The following POU2F2 variants were observed in gnomAD, a reference collection of about 807,000 sequenced individuals.
POU2F2 encodes the protein POU domain, class 2, transcription factor 2.
A neutral mutation model predicts 63.5 loss-of-function variants in POU2F2; 14 were observed. That is an observed-to-expected ratio of 0.22 (90% CI 0.15 to 0.34). The LOEUF (loss-of-function observed/expected upper bound fraction) is 0.34, where lower values mean the gene tolerates loss of function less well. Among genes scored for constraint, POU2F2 ranks in the 10% least tolerant of loss-of-function variants. POU2F2 has a pLI of 1.00. For synonymous variants in POU2F2, 306 were observed against 348.6 expected (o/e 0.88, Z 1.36); for missense variants, 607 against 815.2 (o/e 0.74, Z 3.11).
intron 1 of POU2F2, among the ~76,000 whole-genome samples, chr19:42,186,772 G>A (rs1315584868): frequency 6.6e-6 from 1 of 152,186 alleles, no homozygotes; most frequent in African/African-American, 2.4e-5. Context: ...AGGGCTTTAT[G>A]TTTGGATATG....
At chr19:42,197,896 C>A (rs1376918139), upstream of POU2F2, among the ~76,000 whole-genome samples, 1 of 152,098 alleles carries the variant, frequency 6.6e-6, no homozygotes, top group Non-Finnish European at 1.5e-5. Flanking sequence ...CTGGGAGTGG[C>A]CGGGTGCAGC....
rs145435724 is a variant in POU2F2 at position 42,186,942 on chromosome 19, A to G, written c.-70+9441T>C. On this transcript the variant is annotated intron_variant, in intron 1 of 5. Coordinates refer to the POU2F2 transcript ENST00000532176. ...TGAACCTCTTATATCTGAGGTGCCT[A>G]TGAGACATGTCCTGGATCCAGCAAA... 7.2e-5 allele frequency among the ~76,000 whole-genome samples: 11 copies of G among 152,280 alleles called. No homozygotes were observed. The East Asian group carries it at 2.1e-3, about 29-fold the overall frequency.
chr19:42,132,320 C>A, intron 1 of POU2F2, 64 bp downstream of exon 1: 1 of 1,549,970 alleles, frequency 6.5e-7, no homozygotes, highest in Non-Finnish European at 8.8e-7. Context: ...AGGCAGGGCC[C>A]GCAGAGCAAA....
intron 2 of POU2F2, among the ~76,000 whole-genome samples, chr19:42,138,994 G>T (rs542198970): frequency 6.6e-6 from 1 of 152,262 alleles, no homozygotes; most frequent in East Asian, 1.9e-4. Flanking sequence ...AAGAAAAGAA[G>T]CACTGTGATG....
At chr19:42,131,831 A>C (rs75971885) in intron 1 of POU2F2, among the ~76,000 whole-genome samples, 8 of 152,186 alleles carry the variant, frequency 5.3e-5, no homozygotes, top group African/African-American at 1.9e-4. Context: ...ATCTGAGGTG[A>C]ATGAAGTGAA....
Position 42,091,550 on chromosome 19 carries a change from C to T in POU2F2, c.1582G>A (p.Gly528Ser), listed in dbSNP as rs202057376. 103 of 1,551,184 alleles carry T rather than the reference C, an allele frequency of 6.6e-5. 1 individual carries two copies. The highest frequency in any genetic ancestry group is 6.3e-5 in the Non-Finnish European group (72 of 1,146,478). ...GGTLPLTSLD[G>S]SGNLVLGAAG... ...GCCCCCAGCACCAGATTCCCGCTGC[C>T]ATCAAGGCTGGTAAGGGGCAGGGTT... The change falls in exon 15 of 15, where the codon GGC becomes AGC. Residue 528 changes from glycine to serine, a missense_variant. By Grantham distance (56) the Gly-to-Ser change is moderately conservative. This residue lies in a region of POU2F2 where 270 missense variants were observed against 307.5 expected (regional missense o/e 0.88). Coordinates refer to ENST00000692977, the MANE Select transcript of POU2F2 (RefSeq NM_001394376.1).
chr19:42,146,601 G>A (rs74629692), intron 2 of POU2F2, among the ~76,000 whole-genome samples: 14,562 of 152,038 alleles, frequency 0.096, 901 homozygotes, highest in Middle Eastern at 0.2. Flanking sequence ...AAATCTACTC[G>A]CTCCCTACAC....
Position 42,141,772 on chromosome 19 carries a change from G to A in POU2F2, c.-9+18560C>T, listed in dbSNP as rs371568345. ...TGGGATTACAGGCAAGAGCCACCAC[G>A]CCTGGCCAGGAACTTAATTAATCTT... On this transcript the variant is annotated intron_variant, in intron 2 of 6. Coordinates refer to the POU2F2 transcript ENST00000524801. 4.9e-4 allele frequency among the ~76,000 whole-genome samples: 75 copies of A among 152,158 alleles called. No homozygotes were observed. In the South Asian group the frequency reaches 0.015, roughly 30 times the overall value.
At chr19:42,172,157 T>G (rs961501343) in intron 1 of POU2F2, among the ~76,000 whole-genome samples, 1 of 152,176 alleles carries the variant, frequency 6.6e-6, no homozygotes, top group African/African-American at 2.4e-5. Flanking sequence ...TCTGCTTTTC[T>G]CAGTATCTGA....
intron 2 of POU2F2, among the ~76,000 whole-genome samples, chr19:42,146,032 C>CAAAAAAAAAAA (rs1004458482): frequency 2.2e-4 from 11 of 49,750 alleles, no homozygotes; most frequent in Middle Eastern, 0.011. Flanking sequence ...GACTCCGTCT[C>CAAAAAAAAAAA]AAAAAAAAAA....
chr19:42,192,261 G>C (rs1457138397), intron 1 of POU2F2, among the ~76,000 whole-genome samples: 1 of 152,166 alleles, frequency 6.6e-6, no homozygotes, highest in Non-Finnish European at 1.5e-5. Context: ...TAGTCTTCAG[G>C]AACGAGGTGA....
chr19:42,115,535 G>T (rs1209947160), intron 5 of POU2F2, among the ~76,000 whole-genome samples: 1 of 152,164 alleles, frequency 6.6e-6, no homozygotes, highest in Non-Finnish European at 1.5e-5. Flanking sequence ...CTGAAACTTG[G>T]CCACAGCTCT....
At chr19:42,135,483 G>A (rs1332684419), upstream of POU2F2, among the ~76,000 whole-genome samples, 1 of 151,898 alleles carries the variant, frequency 6.6e-6, no homozygotes, top group East Asian at 1.9e-4. Context: ...AGGGGTGGCA[G>A]ACAAACACAT....
chr19:42,091,630 G>C, intron 14 of POU2F2, 39 bp from the exon 15 acceptor site: 1 of 1,541,230 alleles, frequency 6.5e-7, no homozygotes, highest in South Asian at 1.2e-5. Context: ...AGGGCATGCC[G>C]GGCCAGGGGA....
In POU2F2 at chr19:42,102,557, G is replaced by A. The variant is rs191443893; in HGVS notation, c.370-2736C>T. Among the ~76,000 whole-genome samples, 393 of 150,728 alleles carry A rather than the reference G, an allele frequency of 2.6e-3. 3 individuals carry two copies. The highest frequency in any genetic ancestry group is 4.7e-3 in the Non-Finnish European group (320 of 67,782). Reference sequence around the variant, plus strand: ...GGACTGCTTGAGGCCAGGAGTTCAAGACCAGCCTGGGCAACATAGTGAGAC... The same window carrying A: ...GGACTGCTTGAGGCCAGGAGTTCAAAACCAGCCTGGGCAACATAGTGAGAC... On this transcript the variant is annotated intron_variant, in intron 5 of 14. Coordinates refer to ENST00000692977, the MANE Select transcript of POU2F2 (RefSeq NM_001394376.1).
chr19:42,154,346 T>G (rs1370604752), intron 2 of POU2F2, among the ~76,000 whole-genome samples: 1 of 145,230 alleles, frequency 6.9e-6, no homozygotes, highest in Non-Finnish European at 1.5e-5. Flanking sequence ...AGACAGAAGA[T>G]GAAAGAGACT....
chr19:42,113,457 G>C (rs2031420535), intron 5 of POU2F2, among the ~76,000 whole-genome samples: 1 of 152,246 alleles, frequency 6.6e-6, no homozygotes, highest in South Asian at 2.1e-4. Flanking sequence ...AGATTGCAGG[G>C]AAGGATCCTG....
chr19:42,180,773 C>T (rs2034951462), upstream of POU2F2, among the ~76,000 whole-genome samples: 1 of 152,152 alleles, frequency 6.6e-6, no homozygotes, highest in African/African-American at 2.4e-5. Flanking sequence ...GTCACCCAGG[C>T]TGGAGTGCCG....
upstream of POU2F2, among the ~76,000 whole-genome samples, chr19:42,177,564 G>A (rs938212426): frequency 5.3e-5 from 8 of 151,864 alleles, no homozygotes; most frequent in South Asian, 2.1e-4. Context: ...CAGAGACACA[G>A]AGATAGAGGA....
Sources: gnomAD v4.1 joint callset for allele counts (sites outside exome capture counted in the v4.1 genomes callset) on GRCh38, gnomAD v4.1.1 for gene constraint, gnomAD v4.1.1 regional missense constraint, MANE v1.5 for transcripts, NCBI Gene and HGNC (gene_info 2026-07-23, HGNC 2026-07-21) for gene names.